Variants in ZNF534 observed in about 807,000 individuals in gnomAD.
ZNF534 encodes KRAB domain only 3.
A neutral mutation model predicts 13.6 loss-of-function variants in ZNF534; 19 were observed. The observed-to-expected ratio is 1.40, with a 90% CI of 0.97 to 2.05. The LOEUF (loss-of-function observed/expected upper bound fraction) is 2.05, where lower values mean the gene tolerates loss of function less well. Ranked by LOEUF, ZNF534 falls within the 30% of genes most tolerant of loss-of-function variation. The pLI, the probability that ZNF534 is intolerant of heterozygous loss-of-function variation, is 0.00. For missense variants in ZNF534, 782 were observed against 796.3 expected (o/e 0.98, Z 0.22); for synonymous variants, 244 against 273.8 (o/e 0.89, Z 1.07).
downstream of ZNF534, among the ~76,000 whole-genome samples, chr19:52,446,461 CTA>C (rs775925942): frequency 6.6e-6 from 1 of 152,226 alleles, no homozygotes; most frequent in Non-Finnish European, 1.5e-5. Flanking sequence ...TTCACTCACT[CTA>C]GAGATTTTTT....
At chr19:52,432,873 A>G (rs2059097704) in intron 2 of ZNF534, among the ~76,000 whole-genome samples, 2 of 151,622 alleles carry the variant, frequency 1.3e-5, no homozygotes, top group African/African-American at 2.4e-5. Flanking sequence ...CTCATGATCC[A>G]CCTGCCTCGG....
At position 52,440,362 on chromosome 19, in the gene ZNF534, A is replaced by T. The variant is rs2059164257; in HGVS notation, c.*916A>T. ...TACTGGAGAGAAACCTTACAAATGA[A>T]TGACAGCATCTTCAAATAAAATGCA... On this transcript the variant is annotated 3_prime_UTR_variant, in exon 5 of 5. Coordinates refer to ENST00000433050, the MANE Select transcript of ZNF534 (RefSeq NM_001143938.3). Among the ~76,000 whole-genome samples, 1 of 152,248 alleles carries T rather than the reference A, an allele frequency of 6.6e-6. No homozygotes were observed. Among genetic ancestry groups the T allele is most frequent in the African/African-American group, 2.4e-5 (1 of 41,464 alleles).
chr19:52,442,533 CCTGATTTTCCA>C (rs1156921628), downstream of ZNF534, among the ~76,000 whole-genome samples: 1 of 152,210 alleles, frequency 6.6e-6, no homozygotes, highest in East Asian at 1.9e-4. Flanking sequence ...CTGTCAGTCC[CCTGATTTTCCA>C]CTCCACACTA....
intron 4 of ZNF534, among the ~76,000 whole-genome samples, chr19:52,450,671 T>TTG: frequency 6.3e-5 from 1 of 15,828 alleles, no homozygotes; most frequent in Non-Finnish European, 1.5e-4. Flanking sequence ...ATTTTAGGAG[T>TTG]TTTTTTTTTT....
At chr19:52,449,400 T>G (rs1458147829) in intron 4 of ZNF534, among the ~76,000 whole-genome samples, 2 of 151,710 alleles carry the variant, frequency 1.3e-5, no homozygotes, top group Non-Finnish European at 2.9e-5. Flanking sequence ...AACAGTGGAA[T>G]TGCTGGATCA....
downstream of ZNF534, among the ~76,000 whole-genome samples, chr19:52,446,510 G>A (rs536927432): frequency 6.6e-6 from 1 of 151,570 alleles, no homozygotes; most frequent in South Asian, 2.1e-4. Context: ...TCATTTTATT[G>A]GTTCCCTATT....
In ZNF534 at chr19:52,438,873, T is replaced by G; in HGVS notation, c.1413T>G (p.Cys471Trp). ...TGEKPYKCNECGKVFSQNSNL... is the reference protein window; with the variant it reads ...TGEKPYKCNEWGKVFSQNSNL... ...AGAAGCCTTACAAATGTAACGAATG[T>G]GGCAAGGTCTTCAGTCAGAATTCAA... Residue 471 changes from cysteine (C) to tryptophan (W), a missense_variant, in exon 5 of 5, where the codon TGT becomes TGG. Around this residue, in one of 5 missense-constraint regions of ZNF534, gnomAD observed 591 missense variants for 574.0 expected, o/e 1.03. Transcript: ENST00000433050. The G allele has an allele frequency of 6.3e-7, 1 of 1,597,418 alleles. No individual in the cohort carries two copies. The highest frequency in any genetic ancestry group is 8.6e-7 in the Non-Finnish European group (1 of 1,168,400).
intron 1 of ZNF534, among the ~76,000 whole-genome samples, chr19:52,430,106 C>CAA (rs2059077528): frequency 6.6e-6 from 1 of 151,876 alleles, no homozygotes; most frequent in Non-Finnish European, 1.5e-5. Flanking sequence ...ACCTCTGTCT[C>CAA]CTGGGTTCAA....
At chr19:52,449,607 T>G (rs1247920691) in intron 4 of ZNF534, among the ~76,000 whole-genome samples, 1 of 152,242 alleles carries the variant, frequency 6.6e-6, no homozygotes, top group Non-Finnish European at 1.5e-5. Context: ...GTGGTTTTGA[T>G]TTGCATTTAC....
intron 1 of ZNF534, 62 bp from the exon 2 acceptor site, chr19:52,431,346 C>A: frequency 8.1e-7 from 1 of 1,240,064 alleles, no homozygotes; most frequent in Non-Finnish European, 1.1e-6. Flanking sequence ...TTTTGTGTGG[C>A]TGTGGCACAG....
intron 1 of ZNF534, among the ~76,000 whole-genome samples, chr19:52,430,549 C>CTTT (rs1390142460): frequency 2.1e-5 from 3 of 146,030 alleles, no homozygotes; most frequent in African/African-American, 5.3e-5. Flanking sequence ...GAGGTCTGTG[C>CTTT]TTTTTTTTTG....
intron 4 of ZNF534, among the ~76,000 whole-genome samples, chr19:52,448,018 A>G (rs1300070049): frequency 6.6e-6 from 1 of 152,024 alleles, no homozygotes; most frequent in African/African-American, 2.4e-5. Flanking sequence ...ACTTCTTTAC[A>G]GGTTTAATAG....
At chr19:52,451,978 C>A (rs1599875857) in exon 5 of ZNF534, 1 of 331,214 alleles carries the variant, frequency 3.0e-6, no homozygotes. Flanking sequence ...AGAAGTCATA[C>A]CTTTTTCTTA....
In ZNF534 at chr19:52,438,616, G is replaced by A; in HGVS notation, c.1156G>A (p.Glu386Lys). The change falls in exon 5 of 5, where the codon GAG becomes AAG. Residue 386 changes from glutamate to lysine, a missense_variant. This residue lies in a region of ZNF534 where 591 missense variants were observed against 574.0 expected (regional missense o/e 1.03). Coordinates refer to ENST00000433050, the MANE Select transcript of ZNF534 (RefSeq NM_001143938.3). ...TGGAGAGAAACCTTACAAATGTAAT[G>A]AGTGTGGCAAGGTCTTTATTGGCAA... ...HTGEKPYKCN[E>K]CGKVFIGNSR... The A allele has an allele frequency of 6.3e-7, 1 of 1,590,146 alleles. No homozygotes were observed. Among genetic ancestry groups the A allele is most frequent in the South Asian group, 1.1e-5 (1 of 88,744 alleles).
Position 52,437,982 on chromosome 19 carries a change from A to G in ZNF534, c.522A>G (p.Pro174=). ...RNDFLFSTLL[P]QEQKVHIREK... is the part of the protein sequence containing the mutation. ...ATTTTCTTTTTTCTACATTACTCCC[A>G]CAAGAACAGAAAGTACACATTAGGG... The change falls in exon 5 of 5, where the codon CCA becomes CCG. Residue 174 remains proline, a synonymous_variant. Coordinates refer to ENST00000433050, the MANE Select transcript of ZNF534 (RefSeq NM_001143938.3). 1.9e-6 allele frequency: 3 copies of G among 1,614,056 alleles called. No individual in the cohort carries two copies. The highest frequency in any genetic ancestry group is 1.1e-5 in the South Asian group (1 of 91,052).
exon 5 of ZNF534, chr19:52,451,819 AAAAG>A (rs551546926): frequency 2.6e-6 from 2 of 764,246 alleles, no homozygotes; most frequent in Non-Finnish European, 4.6e-6. Context: ...TGAAGTCAAA[AAAAG>A]GTGATCGAAT....
rs188181551 is a variant in ZNF534, at chr19:52,438,349, C to G, written c.889C>G (p.Pro297Ala). Reference protein sequence around the residue: ...QHRKIHTGEKPYKCSECGKAF... With the variant: ...QHRKIHTGEKAYKCSECGKAF... ...TAGGAAAATTCATACTGGAGAGAAG[C>G]CTTACAAATGTAGTGAATGTGGCAA... Residue 297 changes from proline (P) to alanine (A), a missense_variant, in exon 5 of 5, where the codon CCT becomes GCT. Coordinates refer to ENST00000433050, the MANE Select transcript of ZNF534 (RefSeq NM_001143938.3). 1.4e-5 allele frequency: 23 copies of G among 1,613,318 alleles called. No individual in the cohort carries two copies. The highest frequency in any genetic ancestry group is 2.0e-5 in the Non-Finnish European group (23 of 1,179,428).
rs2059147199 is a variant in ZNF534, at chr19:52,438,620, G to A, written c.1160G>A (p.Cys387Tyr). Reference sequence around the variant, plus strand: ...GAGAAACCTTACAAATGTAATGAGTGTGGCAAGGTCTTTATTGGCAATTCA... The same window carrying A: ...GAGAAACCTTACAAATGTAATGAGTATGGCAAGGTCTTTATTGGCAATTCA... ...TGEKPYKCNECGKVFIGNSRL... is the reference protein window; with the variant it reads ...TGEKPYKCNEYGKVFIGNSRL... Residue 387 changes from cysteine to tyrosine, a missense_variant, in exon 5 of 5, where the codon TGT (cysteine) becomes TAT (tyrosine). Around this residue, in one of 5 missense-constraint regions of ZNF534, gnomAD observed 591 missense variants for 574.0 expected, o/e 1.03. Transcript: ENST00000433050. 1.3e-6 allele frequency: 2 copies of A among 1,590,216 alleles called. No homozygotes were observed. Among genetic ancestry groups the A allele is most frequent in the Middle Eastern group, 1.7e-4 (1 of 6,026 alleles).
At chr19:52,437,517 G>T (rs1274422144) in intron 4 of ZNF534, among the ~76,000 whole-genome samples, 1 of 152,052 alleles carries the variant, frequency 6.6e-6, no homozygotes, top group Non-Finnish European at 1.5e-5. Flanking sequence ...ACTTGGGAGG[G>T]AGAATTGCTT....
Sources: gnomAD v4.1 joint callset for allele counts (sites outside exome capture counted in the v4.1 genomes callset) on GRCh38, gnomAD v4.1.1 for gene constraint, gnomAD v4.1.1 regional missense constraint, MANE v1.5 for transcripts, NCBI Gene and HGNC (gene_info 2026-07-23, HGNC 2026-07-21) for gene names.